Variants in FGF14 observed in about 807,000 individuals in gnomAD.
FGF14 encodes the protein fibroblast growth factor homologous factor 4.
In FGF14, 5 loss-of-function variants were observed where a neutral mutation model predicts 25.5. The ratio of observed to expected loss-of-function variants is 0.20; its 90% CI spans 0.10 to 0.41. The LOEUF (loss-of-function observed/expected upper bound fraction) is 0.41. FGF14 is among the 10% of genes least tolerant of loss of function. FGF14 has a pLI of 1.00. For missense variants in FGF14, 222 were observed against 320.1 expected (o/e 0.69, Z 2.34); for synonymous variants, 138 against 118.3 (o/e 1.17, Z -1.08).
intron 1 of FGF14, among the ~76,000 whole-genome samples, chr13:102,278,760 T>C (rs2053676838): frequency 6.6e-6 from 1 of 152,026 alleles, no homozygotes; most frequent in African/African-American, 2.4e-5. Flanking sequence ...TTAAGATAAA[T>C]GACTGAAAGC....
At chr13:102,215,412 T>G (rs967628407) in intron 1 of FGF14, among the ~76,000 whole-genome samples, 1 of 152,236 alleles carries the variant, frequency 6.6e-6, no homozygotes, top group Non-Finnish European at 1.5e-5. Flanking sequence ...TCCTTTATTT[T>G]TTTCTCTGTA....
intron 1 of FGF14, among the ~76,000 whole-genome samples, chr13:102,088,166 C>T (rs112414177): frequency 1.8e-4 from 27 of 152,220 alleles, no homozygotes; most frequent in African/African-American, 6.0e-4. Flanking sequence ...TGTTCGGGTT[C>T]GTTTCTCTAT....
chr13:102,392,923 A>C (rs2058467661), intron 1 of FGF14, among the ~76,000 whole-genome samples: 1 of 152,194 alleles, frequency 6.6e-6, no homozygotes, highest in Non-Finnish European at 1.5e-5. Context: ...TATGATCATG[A>C]CACAGAAGAG....
intron 1 of FGF14, among the ~76,000 whole-genome samples, chr13:102,104,973 G>A (rs1482765690): frequency 7.8e-6 from 1 of 127,488 alleles, no homozygotes; most frequent in Non-Finnish European, 1.9e-5. Context: ...TCCAGATTAC[G>A]CTGTAGCAAG....
chr13:102,063,649 A>C (rs1464076257), intron 1 of FGF14, among the ~76,000 whole-genome samples: 1 of 152,112 alleles, frequency 6.6e-6, no homozygotes, highest in Non-Finnish European at 1.5e-5. Context: ...TAAAACATTA[A>C]CCCAATAACA....
chr13:102,306,973 A>G (rs1318005962), intron 1 of FGF14, among the ~76,000 whole-genome samples: 1 of 152,132 alleles, frequency 6.6e-6, no homozygotes, highest in African/African-American at 2.4e-5. Context: ...AGATGGAAAG[A>G]GTATCCTGAA....
At chr13:101,994,810 T>G (rs1012930287) in intron 1 of FGF14, among the ~76,000 whole-genome samples, 3 of 152,092 alleles carry the variant, frequency 2.0e-5, no homozygotes, top group African/African-American at 7.2e-5. Flanking sequence ...AATTTCCTAG[T>G]TATTCAAAAT....
intron 3 of FGF14, among the ~76,000 whole-genome samples, chr13:101,850,485 T>TG (rs1566310936): frequency 0.024 from 148 of 6,190 alleles, 19 homozygotes; most frequent in African/African-American, 0.032. Context: ...TATATATATA[T>TG]ATATATATAT....
intron 1 of FGF14, among the ~76,000 whole-genome samples, chr13:101,895,500 G>T (rs2030500864): frequency 6.6e-6 from 1 of 152,118 alleles, no homozygotes; most frequent in African/African-American, 2.4e-5. Context: ...TTCTAGACAT[G>T]AATGTAACAT....
chr13:102,094,046 G>A (rs2044283737), intron 1 of FGF14, among the ~76,000 whole-genome samples: 1 of 144,878 alleles, frequency 6.9e-6, no homozygotes, highest in South Asian at 2.2e-4. Context: ...AATAAAGGAA[G>A]GTGAAGGATC....
chr13:101,735,171 C>G (rs1259394537), intron 3 of FGF14, among the ~76,000 whole-genome samples: 3 of 152,146 alleles, frequency 2.0e-5, no homozygotes, highest in Non-Finnish European at 2.9e-5. Flanking sequence ...CCGAGATCTA[C>G]AGAGCCACCT....
chr13:102,395,324 G>A (rs547489944), intron 1 of FGF14: 1 of 152,202 alleles, frequency 6.6e-6, no homozygotes, highest in African/African-American at 2.4e-5. Context: ...ACCTAATGGT[G>A]CCCTAACGTT....
chr13:101,837,419 A>G (rs2042979072), intron 3 of FGF14, among the ~76,000 whole-genome samples: 2 of 152,112 alleles, frequency 1.3e-5, no homozygotes, highest in Non-Finnish European at 2.9e-5. Context: ...TGAAAAGATA[A>G]GGTTTGTTGT....
chr13:102,110,773 C>T (rs1243996968), intron 1 of FGF14, among the ~76,000 whole-genome samples: 1 of 152,148 alleles, frequency 6.6e-6, no homozygotes, highest in African/African-American at 2.4e-5. Context: ...TCAAGCGCCC[C>T]TCCATCTTCT....
intron 1 of FGF14, among the ~76,000 whole-genome samples, chr13:102,168,855 C>T (rs1318213766): frequency 6.6e-6 from 1 of 152,066 alleles, no homozygotes; most frequent in South Asian, 2.1e-4. Context: ...CAAACACACA[C>T]TGAAGATCTG....
intron 1 of FGF14, among the ~76,000 whole-genome samples, chr13:101,981,173 G>A (rs372028960): frequency 5.4e-4 from 82 of 151,294 alleles, no homozygotes; most frequent in African/African-American, 1.8e-3. Flanking sequence ...CCAGCTACTC[G>A]GGAGGCTGAG....
chr13:101,812,785 G>C (rs979838020), intron 3 of FGF14, among the ~76,000 whole-genome samples: 1 of 146,732 alleles, frequency 6.8e-6, no homozygotes, highest in African/African-American at 2.5e-5. Flanking sequence ...TCCTGCCTCA[G>C]CCTCCTGAGT....
chr13:102,204,709 G>A (rs1441204416), intron 1 of FGF14, among the ~76,000 whole-genome samples: 1 of 151,942 alleles, frequency 6.6e-6, no homozygotes, highest in Non-Finnish European at 1.5e-5. Context: ...ACCACGCCTG[G>A]CTAATTTTTA....
chr13:101,817,477 ACAGT>A (rs377650024), intron 3 of FGF14, among the ~76,000 whole-genome samples: 6 of 152,224 alleles, frequency 3.9e-5, no homozygotes, highest in African/African-American at 1.4e-4. Context: ...AAAGCAAAGC[ACAGT>A]CAAATTGCAT....
Sources: gnomAD v4.1 joint callset for allele counts (sites outside exome capture counted in the v4.1 genomes callset) on GRCh38, gnomAD v4.1.1 for gene constraint, MANE v1.5 for transcripts, NCBI Gene and HGNC (gene_info 2026-07-23, HGNC 2026-07-21) for gene names.